Variants in NEK6 observed in about 807,000 individuals in gnomAD.
NEK6 encodes the protein NIMA related kinase 6.
In NEK6, 27 loss-of-function variants were observed where a neutral mutation model predicts 43.5. That is an observed-to-expected ratio of 0.62 (90% confidence interval 0.46 to 0.86). The LOEUF (loss-of-function observed/expected upper bound fraction) is 0.86, where lower values mean the gene tolerates loss of function less well. Ranked by LOEUF, NEK6 falls within the 40% of genes least tolerant of loss-of-function variation. The probability of loss-of-function intolerance (pLI) is 0.00; values close to 1 mark genes in which losing one functional copy is unlikely to be tolerated. For missense variants in NEK6, 318 were observed against 414.4 expected, an observed-to-expected ratio of 0.77 and a Z score of 2.02; for synonymous variants, 167 against 164.1, an observed-to-expected ratio of 1.02 and a Z score of -0.14.
intron 1 of NEK6, among the ~76,000 whole-genome samples, chr9:124,280,101 C>A (rs1050093830): frequency 6.6e-6 from 1 of 152,272 alleles, no homozygotes; most frequent in Non-Finnish European, 1.5e-5. Flanking sequence ...GGGCCTCTCT[C>A]ACTGACCAGC....
At chr9:124,301,635 G>T (rs1242499758) in intron 1 of NEK6, among the ~76,000 whole-genome samples, 1 of 152,224 alleles carries the variant, frequency 6.6e-6, no homozygotes, top group African/African-American at 2.4e-5. Flanking sequence ...TCCAGCAAAT[G>T]TGGGGTTGAA....
chr9:124,284,593 C>T (rs1832069108), intron 1 of NEK6, among the ~76,000 whole-genome samples: 1 of 152,254 alleles, frequency 6.6e-6, no homozygotes, highest in Non-Finnish European at 1.5e-5. Flanking sequence ...GTTCCAGTGT[C>T]TTAAAAAGGC....
intron 1 of NEK6, among the ~76,000 whole-genome samples, chr9:124,299,199 C>A (rs975392781): frequency 6.6e-6 from 1 of 152,218 alleles, no homozygotes; most frequent in Non-Finnish European, 1.5e-5. Flanking sequence ...ATGGGTCTCG[C>A]AGGGGTGACC....
intron 5 of NEK6, among the ~76,000 whole-genome samples, chr9:124,325,043 C>T (rs766049678): frequency 5.3e-5 from 8 of 152,236 alleles, no homozygotes; most frequent in South Asian, 2.1e-4. Flanking sequence ...GGCGTGGTGG[C>T]GCACACCTGT....
intron 7 of NEK6, among the ~76,000 whole-genome samples, chr9:124,328,116 G>A (rs929232492): frequency 3.0e-4 from 46 of 152,272 alleles, no homozygotes; most frequent in African/African-American, 1.0e-3. Flanking sequence ...GCTGGACTCC[G>A]GAAGAGACTT....
chr9:124,333,912 G>C (rs1829153925), intron 7 of NEK6, among the ~76,000 whole-genome samples: 1 of 151,948 alleles, frequency 6.6e-6, no homozygotes, highest in African/African-American at 2.4e-5. Flanking sequence ...CAAGTAGCTG[G>C]GAGTACAGGC....
At position 124,334,852 on chromosome 9, in the gene NEK6, C is replaced by T. The variant is rs146238800; in HGVS notation, c.623-4719C>T. On this transcript the variant is annotated intron_variant, in intron 7 of 9. Coordinates refer to ENST00000320246, the MANE Select transcript of NEK6 (RefSeq NM_014397.6). ...TCCTGGCCAAGGCAGCGCCAGGCCACACCCCGGCCCCAGTGTAGGTGACCT... is the reference window on the plus strand; with the variant it reads ...TCCTGGCCAAGGCAGCGCCAGGCCATACCCCGGCCCCAGTGTAGGTGACCT... Among the ~76,000 whole-genome samples the T allele has an allele frequency of 6.6e-4, 100 of 152,330 alleles. 1 individual carries two copies. The East Asian group carries it at 0.018, about 27-fold the overall frequency.
Position 124,316,648 on chromosome 9 carries a change from G to A in NEK6, c.294+2663G>A, listed in dbSNP as rs1455038651. Among the ~76,000 whole-genome samples the A allele has an allele frequency of 2.6e-5, 4 of 152,118 alleles. No homozygotes were observed. The South Asian group carries it at 6.2e-4, about 24-fold the overall frequency. On this transcript the variant is annotated intron_variant, in intron 4 of 9. Coordinates refer to ENST00000320246, the MANE Select transcript of NEK6 (RefSeq NM_014397.6). ...GTGGACCAGGTTCTAGACTCAGCTCGGCCCCTGCTTGCTGTGGACCCGTGG... is the reference window on the plus strand; with the variant it reads ...GTGGACCAGGTTCTAGACTCAGCTCAGCCCCTGCTTGCTGTGGACCCGTGG...
intron 1 of NEK6, among the ~76,000 whole-genome samples, chr9:124,287,553 G>A (rs1052989064): frequency 3.9e-5 from 6 of 152,322 alleles, no homozygotes; most frequent in East Asian, 3.9e-4. Flanking sequence ...GGCCAGATGC[G>A]GTGGCTCATG....
chr9:124,333,760 GA>G (rs1444763491), intron 7 of NEK6, among the ~76,000 whole-genome samples: 2 of 149,864 alleles, frequency 1.3e-5, no homozygotes. Context: ...CTGCAGCATG[GA>G]TCATTTCAGT....
At position 124,297,027 on chromosome 9, in the gene NEK6, AC is replaced by A. The variant is rs1351338067; in HGVS notation, c.-29-4908del. On this transcript the variant is annotated intron_variant, in intron 1 of 9. Coordinates refer to ENST00000320246, the MANE Select transcript of NEK6 (RefSeq NM_014397.6). Reference sequence around the variant, plus strand: ...CATCCATGGCCGGGCAGGGTGCGGCACAGCAGCTGGCTTTGCAGAGGCAGCC... The same window carrying A: ...CATCCATGGCCGGGCAGGGTGCGGCAAGCAGCTGGCTTTGCAGAGGCAGCC... Among the ~76,000 whole-genome samples the A allele has an allele frequency of 2.0e-5, 3 of 152,350 alleles. No homozygotes were observed. The East Asian group carries it at 5.8e-4, about 29-fold the overall frequency.
At chr9:124,321,669 C>A in intron 5 of NEK6, 100 bp downstream of exon 5, 3 of 779,214 alleles carry the variant, frequency 3.9e-6, no homozygotes, top group East Asian at 2.7e-5. Context: ...CTGCCTTTAG[C>A]CAGAGGCGGC....
chr9:124,264,614 A>G (rs1831154079), intron 1 of NEK6, among the ~76,000 whole-genome samples: 7 of 152,062 alleles, frequency 4.6e-5, no homozygotes, highest in Admixed American at 3.3e-4. Context: ...AGACCAGCCC[A>G]GCCAACATGG....
At chr9:124,261,846 AATAG>A (rs1359743155) in intron 1 of NEK6, among the ~76,000 whole-genome samples, 2 of 152,386 alleles carry the variant, frequency 1.3e-5, no homozygotes, top group Admixed American at 6.5e-5. Flanking sequence ...GGTGTGAAAT[AATAG>A]ATCTTGTGCG....
chr9:124,271,152 G>A (rs1384037378), intron 1 of NEK6, among the ~76,000 whole-genome samples: 1 of 152,266 alleles, frequency 6.6e-6, no homozygotes, highest in Non-Finnish European at 1.5e-5. Context: ...ACACACCATG[G>A]TCAGCCCTCC....
Position 124,339,561 on chromosome 9 carries a change from TG to T in NEK6, c.623-9del, listed in dbSNP as rs1564659392. 2 of 1,604,786 alleles carry T rather than the reference TG, an allele frequency of 1.2e-6. No homozygotes were observed. The highest frequency in any genetic ancestry group is 1.7e-6 in the Non-Finnish European group (2 of 1,171,566). Reference sequence around the variant, plus strand: ...GAGCATAAGCAGCCCCGCCCCTTGCTGTGTTGCAGTGGGGACGCCCTACTAC... The same window carrying T: ...GAGCATAAGCAGCCCCGCCCCTTGCTTGTTGCAGTGGGGACGCCCTACTAC... On this transcript the variant is annotated splice_polypyrimidine_tract_variant and intron_variant, in intron 7 of 9. Coordinates refer to ENST00000320246, the MANE Select transcript of NEK6 (RefSeq NM_014397.6).
intron 8 of NEK6, 137 bp from the exon 9 acceptor site, chr9:124,347,572 G>A (rs1406932871): frequency 7.4e-6 from 4 of 542,650 alleles, no homozygotes; most frequent in Non-Finnish European, 1.3e-5. Flanking sequence ...GTGATTCGGG[G>A]GAGAAGTCCT....
At chr9:124,312,732 C>A in intron 3 of NEK6, 83 bp downstream of exon 3, 2 of 1,404,472 alleles carry the variant, frequency 1.4e-6, no homozygotes, top group South Asian at 1.3e-5. Flanking sequence ...CCAGTCCCTT[C>A]TCTCCCCTCT....
intron 1 of NEK6, among the ~76,000 whole-genome samples, chr9:124,294,243 A>G (rs1398420228): frequency 6.6e-6 from 1 of 152,184 alleles, no homozygotes; most frequent in East Asian, 1.9e-4. Flanking sequence ...GTGTGTGCTT[A>G]TAATCTCAGC....
Sources: allele counts gnomAD v4.1 joint callset (sites outside exome capture counted in the v4.1 genomes callset), GRCh38; gene constraint gnomAD v4.1.1; transcripts MANE v1.5; gene names NCBI Gene and HGNC (gene_info 2026-07-23, HGNC 2026-07-21).